ARPP21: variants seen among roughly 807,000 people sequenced by gnomAD.
ARPP21 encodes cAMP regulated phosphoprotein 21, also known as cAMP-regulated phosphoprotein 21.
In ARPP21, 69 loss-of-function variants were observed where a neutral mutation model predicts 113.2. The ratio of observed to expected loss-of-function variants is 0.61; its 90% confidence interval spans 0.50 to 0.74. The LOEUF is 0.74. Ranked by LOEUF, ARPP21 falls within the 30% of genes least tolerant of loss-of-function variation. The probability of loss-of-function intolerance (pLI) is 0.00; values close to 1 mark genes in which losing one functional copy is unlikely to be tolerated. For missense variants in ARPP21, 1,070 were observed against 1,037.4 expected, an observed-to-expected ratio of 1.03 and a Z score of -0.43; for synonymous variants, 368 against 375.5, an observed-to-expected ratio of 0.98 and a Z score of 0.23.
intron 13 of ARPP21, 48 bp from the exon 14 acceptor site, chr3:35,721,557 T>C (rs1416060518): frequency 8.4e-6 from 9 of 1,073,852 alleles, no homozygotes; most frequent in South Asian, 2.6e-5. Context: ...ACACCATGCA[T>C]GTAAGGTAAT....
intron 19 of ARPP21, among the ~76,000 whole-genome samples, chr3:35,771,070 A>C (rs779825949): frequency 2.6e-5 from 4 of 152,212 alleles, no homozygotes; most frequent in Non-Finnish European, 5.9e-5. Flanking sequence ...TCAAAGCTAC[A>C]GAGCTCATCT....
intron 15 of ARPP21, among the ~76,000 whole-genome samples, chr3:35,736,961 C>T (rs548238053): frequency 1.5e-4 from 23 of 152,322 alleles, no homozygotes; most frequent in African/African-American, 5.1e-4. Context: ...GATTTATTTG[C>T]TGCTTCTTAA....
chr3:35,699,406 T>A (rs2085386704), intron 9 of ARPP21, among the ~76,000 whole-genome samples: 1 of 151,686 alleles, frequency 6.6e-6, no homozygotes, highest in African/African-American at 2.4e-5. Context: ...TAGAGAATAC[T>A]TGAAGGTGAG....
rs530414482 is a variant in ARPP21 at position 35,763,562 on chromosome 3, A to G, written c.2137+19597A>G. The stretch of plus-strand genomic sequence containing the variant: ...TGGACAAGAGCTATTATCTAATCCC[A>G]TGGAACCACATGGAGCTTGGACGGT... On this transcript the variant is annotated intron_variant, in intron 19 of 20. Coordinates refer to ENST00000684406, the MANE Select transcript of ARPP21 (RefSeq NM_001385562.1). 5.3e-5 allele frequency among the ~76,000 whole-genome samples: 8 copies of G among 152,250 alleles called. No homozygotes were observed. In the East Asian group the frequency reaches 1.4e-3, roughly 26 times the overall value.
intron 19 of ARPP21, among the ~76,000 whole-genome samples, chr3:35,748,082 G>GAAAGAAAT (rs2095213069): frequency 8.5e-6 from 1 of 117,956 alleles, no homozygotes; most frequent in East Asian, 2.2e-4. Flanking sequence ...AAGAAAGAAA[G>GAAAGAAAT]AAAGAAAGAA....
intron 1 of ARPP21, among the ~76,000 whole-genome samples, chr3:35,668,333 T>A (rs914994288): frequency 2.0e-5 from 3 of 152,190 alleles, no homozygotes; most frequent in African/African-American, 7.2e-5. Flanking sequence ...AAGTGTGGCA[T>A]CTTGGTGAGC....
intron 19 of ARPP21, among the ~76,000 whole-genome samples, chr3:35,779,854 T>TTAGTCCCTTTCCATA (rs2096481862): frequency 6.6e-6 from 1 of 152,152 alleles, no homozygotes; most frequent in African/African-American, 2.4e-5. Context: ...ACTCCTCCTT[T>TTAGTCCCTTTCCATA]TAGTCCCTTT....
At chr3:35,708,414 A>G (rs186829136) in intron 10 of ARPP21, among the ~76,000 whole-genome samples, 1 of 152,370 alleles carries the variant, frequency 6.6e-6, no homozygotes, top group Non-Finnish European at 1.5e-5. Context: ...TGCTAAATGC[A>G]ATTCATGGGA....
At chr3:35,765,079 A>G (rs1224272373) in intron 19 of ARPP21, among the ~76,000 whole-genome samples, 1 of 152,160 alleles carries the variant, frequency 6.6e-6, no homozygotes, top group Admixed American at 6.6e-5. Context: ...ATTATTTTAA[A>G]TCAAAATTAT....
intron 1 of ARPP21, among the ~76,000 whole-genome samples, chr3:35,645,282 C>A (rs886901522): frequency 2.0e-5 from 3 of 151,772 alleles, no homozygotes. Context: ...GAATAACACA[C>A]AAAATATTAA....
intron 11 of ARPP21, 153 bp from the exon 12 acceptor site, chr3:35,715,286 A>T (rs2305233): frequency 0.52 from 327,710 of 630,920 alleles, 87,983 homozygotes; most frequent in East Asian, 0.79. Flanking sequence ...AATCCTAACC[A>T]ACCTTTTTCC....
At chr3:35,675,977 T>C (rs2077388807) in intron 1 of ARPP21, among the ~76,000 whole-genome samples, 1 of 151,922 alleles carries the variant, frequency 6.6e-6, no homozygotes, top group Admixed American at 6.6e-5. Context: ...TCTTATAGTA[T>C]CATTTTCTGC....
At chr3:35,685,498 G>C in intron 5 of ARPP21, 2 of 985,234 alleles carry the variant, frequency 2.0e-6, no homozygotes, top group Non-Finnish European at 2.4e-6. Context: ...CCTTCATTAG[G>C]TACCACCGGC....
intron 11 of ARPP21, among the ~76,000 whole-genome samples, chr3:35,709,339 C>T: frequency 6.6e-6 from 1 of 152,104 alleles, no homozygotes; most frequent in Non-Finnish European, 1.5e-5. Flanking sequence ...ACCTTAAATA[C>T]AGAAAGTGTT....
At chr3:35,684,161 C>G (rs2079841507) in intron 5 of ARPP21, 1 of 1,391,616 alleles carries the variant, frequency 7.2e-7, no homozygotes, top group Admixed American at 3.0e-5. Context: ...CAAGTATCCT[C>G]TCTCCTTCCT....
At chr3:35,712,498 T>C (rs1559708611) in intron 11 of ARPP21, among the ~76,000 whole-genome samples, 1 of 151,376 alleles carries the variant, frequency 6.6e-6, no homozygotes, top group African/African-American at 2.4e-5. Flanking sequence ...CAAATATATC[T>C]TGGTGTCTAA....
chr3:35,643,822 G>C (rs1699117363), intron 1 of ARPP21: 1 of 151,960 alleles, frequency 6.6e-6, no homozygotes, highest in Non-Finnish European at 1.5e-5. Flanking sequence ...TTCTTCTTAT[G>C]GTAAGTACTG....
chr3:35,700,191 C>G (rs958971397), intron 9 of ARPP21, among the ~76,000 whole-genome samples: 2 of 151,712 alleles, frequency 1.3e-5, no homozygotes, highest in Non-Finnish European at 2.9e-5. Context: ...TTACAAGAAA[C>G]CAAACAACAG....
intron 9 of ARPP21, among the ~76,000 whole-genome samples, chr3:35,705,878 A>C (rs2149967893): frequency 6.6e-6 from 1 of 152,190 alleles, no homozygotes; most frequent in East Asian, 1.9e-4. Context: ...TAAGGAAAGA[A>C]AAAAATGCTT....
Sources: gnomAD v4.1 joint callset for allele counts (sites outside exome capture counted in the v4.1 genomes callset) on GRCh38, gnomAD v4.1.1 for gene constraint, MANE v1.5 for transcripts, NCBI Gene and HGNC (gene_info 2026-07-23, HGNC 2026-07-21) for gene names.